Variants in RALGAPB observed in about 807,000 individuals in gnomAD.
RALGAPB encodes ral GTPase-activating protein subunit beta.
RALGAPB carries 25 observed loss-of-function variants against 161.1 expected under a neutral mutation model. That is an observed-to-expected ratio of 0.16 (90% CI 0.11 to 0.22). The LOEUF (loss-of-function observed/expected upper bound fraction) is 0.22, where lower values mean the gene tolerates loss of function less well. RALGAPB is among the 10% of genes least tolerant of loss of function. The probability of loss-of-function intolerance (pLI) is 1.00; values close to 1 mark genes in which losing one functional copy is unlikely to be tolerated. For synonymous variants in RALGAPB, 629 were observed against 626.1 expected, an observed-to-expected ratio of 1.00 and a Z score of -0.07; for missense variants, 1,391 against 1,815.2, an observed-to-expected ratio of 0.77 and a Z score of 4.25.
Position 38,558,466 on chromosome 20 carries a change from A to AT in RALGAPB, c.3531+13_3531+14insT. On this transcript the variant is annotated intron_variant, in intron 23 of 29. Coordinates refer to ENST00000262879, the MANE Select transcript of RALGAPB (RefSeq NM_020336.4). ...AACGAACCAAGAGGTAAGAGTTACGAATTTTTTTTTTTTGGTATGTTTTTG... is the reference window on the plus strand; with the variant it reads ...AACGAACCAAGAGGTAAGAGTTACGATATTTTTTTTTTTTGGTATGTTTTTG... 1 of 1,543,642 alleles carries AT rather than the reference A, an allele frequency of 6.5e-7. No individual in the cohort carries two copies. The highest frequency in any genetic ancestry group is 1.4e-5 in the African/African-American group (1 of 71,540).
intron 16 of RALGAPB, among the ~76,000 whole-genome samples, chr20:38,539,313 C>T (rs548381224): frequency 1.3e-5 from 2 of 152,166 alleles, no homozygotes; most frequent in Non-Finnish European, 2.9e-5. Context: ...CATCCGCTGT[C>T]GATTGTGGTG....
At position 38,569,870 on chromosome 20, in the gene RALGAPB, T is replaced by G. The variant is rs761277532; in HGVS notation, c.3955-18T>G. ...GCTGTTGTTTTTCCCGCTCTCTGTC[T>G]TCTTCTTCTTCATGTAGCTCAGTCC... On this transcript the variant is annotated intron_variant, in intron 26 of 29. Coordinates refer to ENST00000262879, the MANE Select transcript of RALGAPB (RefSeq NM_020336.4). The G allele has an allele frequency of 3.9e-5, 62 of 1,571,874 alleles. No homozygotes were observed. The highest frequency in any genetic ancestry group is 4.9e-5 in the Non-Finnish European group (56 of 1,144,852).
intron 3 of RALGAPB, among the ~76,000 whole-genome samples, chr20:38,496,687 G>A (rs937181920): frequency 3.9e-5 from 6 of 152,098 alleles, no homozygotes; most frequent in South Asian, 2.1e-4. Context: ...ATGGTCCTGC[G>A]GTGAGTTTTA....
chr20:38,526,313 C>G (rs1000976194), intron 13 of RALGAPB, among the ~76,000 whole-genome samples: 1 of 151,734 alleles, frequency 6.6e-6, no homozygotes, highest in Non-Finnish European at 1.5e-5. Flanking sequence ...TTTGCCTCTC[C>G]TTCCCATCCC....
At chr20:38,525,278 C>T in intron 11 of RALGAPB, 126 bp from the exon 12 acceptor site, 1 of 715,478 alleles carries the variant, frequency 1.4e-6, no homozygotes. Context: ...AACAGTTTAA[C>T]TTAGAAATAT....
chr20:38,535,318 T>G, intron 16 of RALGAPB, 111 bp downstream of exon 16: 2 of 1,264,140 alleles, frequency 1.6e-6, no homozygotes, highest in Non-Finnish European at 1.1e-6. Flanking sequence ...TGCTCAAACA[T>G]AGTTTATATT....
At chr20:38,517,147 C>T (rs1426262733) in intron 7 of RALGAPB, among the ~76,000 whole-genome samples, 1 of 152,176 alleles carries the variant, frequency 6.6e-6, no homozygotes, top group Non-Finnish European at 1.5e-5. Flanking sequence ...TGAGTGAGTT[C>T]CAAACATCCT....
At chr20:38,554,362 A>T (rs2087502486) in intron 22 of RALGAPB, among the ~76,000 whole-genome samples, 1 of 152,242 alleles carries the variant, frequency 6.6e-6, no homozygotes, top group South Asian at 2.1e-4. Context: ...TATTACACAG[A>T]TAAATGAAAT....
chr20:38,531,228 G>A lies in RALGAPB; in HGVS notation c.2112G>A (p.Glu704=). 1 of 1,600,914 alleles carries A rather than the reference G, an allele frequency of 6.2e-7. No individual in the cohort carries two copies. The highest frequency in any genetic ancestry group is 8.6e-7 in the Non-Finnish European group (1 of 1,168,226). The change falls in exon 14 of 30, where the codon GAG becomes GAA. Residue 704 remains glutamate (E), a synonymous_variant. Coordinates refer to ENST00000262879, the MANE Select transcript of RALGAPB (RefSeq NM_020336.4). ...TGGAAGCCATTGGTTGCCAGATGGA[G>A]ATGGTAAGAAGCATACATGCAATCT... ...ALLEAIGCQM[E]MGGGENNLKS...
In RALGAPB at chr20:38,516,448, G is replaced by C. The variant is rs2086125162; in HGVS notation, c.1051+78G>C. ...TAGAGGCTAACCCTAGGAGTTATTA[G>C]AAAACATCCGAAGGAAAAGATGAAC... On this transcript the variant is annotated intron_variant, in intron 7 of 29. Coordinates refer to ENST00000262879, the MANE Select transcript of RALGAPB (RefSeq NM_020336.4). 2.4e-6 allele frequency: 3 copies of C among 1,262,770 alleles called. No homozygotes were observed. The South Asian group carries it at 6.0e-5, about 25-fold the overall frequency. 78.2% of individuals were successfully genotyped at this position (1,262,770 alleles called of 1,614,324 possible).
intron 9 of RALGAPB, among the ~76,000 whole-genome samples, chr20:38,520,064 C>G (rs1024137634): frequency 2.0e-5 from 3 of 152,078 alleles, no homozygotes; most frequent in Non-Finnish European, 4.4e-5. Flanking sequence ...AATTTTGGAC[C>G]TGAATGCACA....
At chr20:38,543,610 CT>C (rs989105708) in intron 18 of RALGAPB, among the ~76,000 whole-genome samples, 2 of 152,320 alleles carry the variant, frequency 1.3e-5, no homozygotes, top group African/African-American at 4.8e-5. Flanking sequence ...ACCATCTGAT[CT>C]TTTCCACCAC....
At chr20:38,548,834 T>C (rs1299060425) in intron 20 of RALGAPB, 39 bp downstream of exon 20, 3 of 1,517,288 alleles carry the variant, frequency 2.0e-6, no homozygotes, top group African/African-American at 1.4e-5. Flanking sequence ...GTGTGTGTTT[T>C]GTAATTTAAA....
At chr20:38,574,750 A>G in intron 29 of RALGAPB, 24 bp from the exon 30 acceptor site, 2 of 1,597,508 alleles carry the variant, frequency 1.3e-6, no homozygotes, top group South Asian at 2.2e-5. Context: ...TCTAACGTTT[A>G]TTTTAAAACT....
In RALGAPB at chr20:38,525,952, A is replaced by T. The variant is rs748239066; in HGVS notation, c.1960A>T (p.Thr654Ser). The change falls in exon 13 of 30, where the codon ACT (threonine) becomes TCT (serine). Residue 654 changes from threonine to serine, a missense_variant. Thr to Ser is a moderately conservative substitution (Grantham distance 58). Around this residue, in one of 3 missense-constraint regions of RALGAPB, gnomAD observed 946 missense variants for 1,257.2 expected, o/e 0.75. Coordinates refer to ENST00000262879, the MANE Select transcript of RALGAPB (RefSeq NM_020336.4). ...DDSSSYDKPI[T>S]FLSLKLRLVN... The stretch of plus-strand genomic sequence containing the variant: ...CAGCTCTTCTTATGATAAACCAATA[A>T]CTTTTCTGTCCCTGAAGTTGAGACT... 6.2e-7 allele frequency: 1 copy of T among 1,613,862 alleles called. No homozygotes were observed. Among genetic ancestry groups the T allele is most frequent in the Non-Finnish European group, 8.5e-7 (1 of 1,179,802 alleles).
intron 2 of RALGAPB, 151 bp downstream of exon 2, chr20:38,488,769 A>G: frequency 1.3e-6 from 1 of 748,672 alleles, no homozygotes; most frequent in Non-Finnish European, 2.1e-6. Flanking sequence ...CCAACGTAGT[A>G]TGACTTCTCA....
intron 2 of RALGAPB, among the ~76,000 whole-genome samples, chr20:38,492,721 T>TA (rs2085314720): frequency 6.6e-6 from 1 of 152,234 alleles, no homozygotes. Flanking sequence ...CAAAAATAAG[T>TA]AATTTATTTT....
At chr20:38,521,748 G>A (rs1263148314) in intron 10 of RALGAPB, 50 bp downstream of exon 10, 3 of 1,589,066 alleles carry the variant, frequency 1.9e-6, no homozygotes, top group South Asian at 1.1e-5. Flanking sequence ...TGATAGTGAA[G>A]CCATTGTTGG....
Position 38,574,755 on chromosome 20 carries a change from A to T in RALGAPB, c.4292-19A>T. On this transcript the variant is annotated intron_variant, in intron 29 of 29. Transcript: ENST00000262879. ...GTGACTAGTTTCTAACGTTTATTTT[A>T]AAACTCTCTATTTTCAAGGCTTTCT... The T allele has an allele frequency of 6.2e-7, 1 of 1,603,072 alleles. No homozygotes were observed. Among genetic ancestry groups the T allele is most frequent in the South Asian group, 1.1e-5 (1 of 90,736 alleles).
Sources: allele counts gnomAD v4.1 joint callset (sites outside exome capture counted in the v4.1 genomes callset), GRCh38; gene constraint gnomAD v4.1.1; regional missense constraint gnomAD v4.1.1; transcripts MANE v1.5; gene names NCBI Gene and HGNC (gene_info 2026-07-23, HGNC 2026-07-21).